The following ITPR2 variants were observed in gnomAD, a reference collection of about 807,000 sequenced individuals.
The protein encoded by ITPR2 is inositol 1,4,5-trisphosphate receptor type 2.
Under a neutral mutation model 317.1 loss-of-function variants are expected in ITPR2, and 207 were observed. The observed-to-expected ratio is 0.65, with a 90% CI of 0.58 to 0.73. The LOEUF is 0.73. Ranked by LOEUF, ITPR2 falls within the 30% of genes least tolerant of loss-of-function variation. ITPR2 has a pLI of 0.00. For missense variants in ITPR2, 2,613 were observed against 3,284.0 expected (o/e 0.80, Z 4.99); for synonymous variants, 1,156 against 1,149.1 (o/e 1.01, Z -0.12).
chr12:26,429,016 CTCTTA>C (rs1456737322), intron 48 of ITPR2, among the ~76,000 whole-genome samples: 1 of 152,166 alleles, frequency 6.6e-6, no homozygotes, highest in Non-Finnish European at 1.5e-5. Flanking sequence ...TTGGCCACAC[CTCTTA>C]TCTTTATTTA....
intron 49 of ITPR2, among the ~76,000 whole-genome samples, chr12:26,424,587 T>TG (rs71069232): frequency 6.1e-5 from 1 of 16,518 alleles, no homozygotes; most frequent in Non-Finnish European, 1.5e-4. Context: ...TCGTTTTGTG[T>TG]TTTTTTTTTT....
chr12:26,660,055 G>A (rs75730920), intron 15 of ITPR2, among the ~76,000 whole-genome samples: 31,038 of 152,154 alleles, frequency 0.2, 3,905 homozygotes, highest in East Asian at 0.55. Flanking sequence ...TGAAGAGAAC[G>A]AGGCAGCCAT....
At chr12:26,616,288 C>T (rs1946372582) in intron 26 of ITPR2, among the ~76,000 whole-genome samples, 1 of 152,016 alleles carries the variant, frequency 6.6e-6, no homozygotes, top group African/African-American at 2.4e-5. Context: ...CAGGCACCCA[C>T]CACCACACCC....
chr12:26,694,712 T>C (rs1171071413), intron 10 of ITPR2, among the ~76,000 whole-genome samples: 1 of 152,056 alleles, frequency 6.6e-6, no homozygotes. Flanking sequence ...AACCCAACAA[T>C]CCTGGGGCAG....
intron 34 of ITPR2, among the ~76,000 whole-genome samples, chr12:26,571,404 A>C (rs1480224181): frequency 6.6e-6 from 1 of 152,192 alleles, no homozygotes; most frequent in Non-Finnish European, 1.5e-5. Context: ...AGATGATAGG[A>C]AGTATTCTTT....
intron 37 of ITPR2, among the ~76,000 whole-genome samples, chr12:26,500,251 C>T (rs11048554): frequency 0.53 from 80,270 of 152,080 alleles, 22,013 homozygotes; most frequent in South Asian, 0.65. Context: ...AAAGTAACTG[C>T]AGAATCATTG....
At chr12:26,661,642 A>AT (rs758036721) in intron 15 of ITPR2, among the ~76,000 whole-genome samples, 14 of 151,974 alleles carry the variant, frequency 9.2e-5, no homozygotes, top group Non-Finnish European at 5.9e-5. Flanking sequence ...CCTGTTAGGT[A>AT]TTTTTTCTGT....
At chr12:26,418,988 T>C in intron 50 of ITPR2, 61 bp downstream of exon 50, 1 of 1,399,558 alleles carries the variant, frequency 7.1e-7, no homozygotes, top group Non-Finnish European at 9.6e-7. Context: ...GGAAGAGGCA[T>C]AAGAAGCAGC....
At chr12:26,396,848 T>C (rs1940015290) in intron 54 of ITPR2, among the ~76,000 whole-genome samples, 1 of 152,254 alleles carries the variant, frequency 6.6e-6, no homozygotes, top group African/African-American at 2.4e-5. Context: ...AATCACTTGT[T>C]AGTATTACCA....
chr12:26,466,005 T>C (rs1942162505), intron 45 of ITPR2, among the ~76,000 whole-genome samples: 1 of 152,238 alleles, frequency 6.6e-6, no homozygotes, highest in African/African-American at 2.4e-5. Flanking sequence ...CTATTTTCTG[T>C]GATTTAATAT....
At chr12:26,448,631 C>G (rs751492548) in intron 45 of ITPR2, among the ~76,000 whole-genome samples, 1 of 152,054 alleles carries the variant, frequency 6.6e-6, no homozygotes, top group African/African-American at 2.4e-5. Flanking sequence ...TGCAAGCATA[C>G]AGATTAGTGA....
intron 45 of ITPR2, among the ~76,000 whole-genome samples, chr12:26,455,251 T>C (rs1941851927): frequency 6.7e-6 from 1 of 149,494 alleles, no homozygotes; most frequent in Non-Finnish European, 1.5e-5. Flanking sequence ...GCATTTCAAC[T>C]TCAGGTTTCT....
At chr12:26,509,322 T>C (rs1003970585) in intron 37 of ITPR2, among the ~76,000 whole-genome samples, 10 of 152,232 alleles carry the variant, frequency 6.6e-5, no homozygotes, top group African/African-American at 2.4e-4. Context: ...ACAGCAGTAT[T>C]GGTTGTAAAT....
chr12:26,482,864 T>A (rs1357112377), intron 42 of ITPR2, among the ~76,000 whole-genome samples: 1 of 152,250 alleles, frequency 6.6e-6, no homozygotes, highest in Non-Finnish European at 1.5e-5. Flanking sequence ...CACAATTTTC[T>A]ATGTCAATCG....
At chr12:26,774,456 T>A (rs1159701946) in intron 2 of ITPR2, among the ~76,000 whole-genome samples, 2 of 152,212 alleles carry the variant, frequency 1.3e-5, no homozygotes, top group East Asian at 3.8e-4. Context: ...CTGGTCAACA[T>A]AGTGAAACCT....
intron 37 of ITPR2, among the ~76,000 whole-genome samples, chr12:26,502,618 A>G (rs1943094750): frequency 6.6e-6 from 1 of 152,210 alleles, no homozygotes; most frequent in Admixed American, 6.5e-5. Context: ...TGGAACTTCA[A>G]GAGGTAATTT....
At chr12:26,665,195 C>T (rs895379978) in intron 14 of ITPR2, among the ~76,000 whole-genome samples, 10 of 152,094 alleles carry the variant, frequency 6.6e-5, no homozygotes, top group Admixed American at 2.0e-4. Flanking sequence ...ACAGAGCACT[C>T]GTGAGCTGAT....
In ITPR2 at chr12:26,740,455, G is replaced by C. The variant is rs567227663; in HGVS notation, c.164-14690C>G. On this transcript the variant is annotated intron_variant, in intron 2 of 56. Coordinates refer to ENST00000381340, the MANE Select transcript of ITPR2 (RefSeq NM_002223.4). ...AAAGGGAAATACGCTATAAAAGCAA[G>C]AAAAGAGGAAGGCAGATCAACATAA... Among the ~76,000 whole-genome samples the C allele has an allele frequency of 3.9e-5, 6 of 152,294 alleles. 1 individual carries two copies. The South Asian group carries it at 8.3e-4, about 21-fold the overall frequency.
chr12:26,428,211 A>AC (rs1284009298), intron 48 of ITPR2, 123 bp from the exon 49 acceptor site: 4 of 588,066 alleles, frequency 6.8e-6, no homozygotes, highest in Non-Finnish European at 1.1e-5. Flanking sequence ...TTTCAAAATG[A>AC]CCCCATCTAC....
Sources: gnomAD v4.1 joint callset for allele counts (sites outside exome capture counted in the v4.1 genomes callset) on GRCh38, gnomAD v4.1.1 for gene constraint, MANE v1.5 for transcripts, NCBI Gene and HGNC (gene_info 2026-07-23, HGNC 2026-07-21) for gene names.